Variants in UGGT2 observed in about 807,000 individuals in gnomAD.
The protein encoded by UGGT2 is UDP-glucose glycoprotein glucosyltransferase 2.
Under a neutral mutation model 192.1 loss-of-function variants are expected in UGGT2, and 180 were observed. The observed-to-expected ratio is 0.94, with a 90% confidence interval of 0.83 to 1.06. UGGT2 has a LOEUF of 1.06. UGGT2 is among the 50% of genes least tolerant of loss of function. UGGT2 has a pLI of 0.00. For synonymous variants in UGGT2, 580 were observed against 591.0 expected, an observed-to-expected ratio of 0.98 and a Z score of 0.27; for missense variants, 1,849 against 1,795.7, an observed-to-expected ratio of 1.03 and a Z score of -0.54.
chr13:95,973,131 T>C (rs992562388), intron 10 of UGGT2, among the ~76,000 whole-genome samples: 14 of 151,770 alleles, frequency 9.2e-5, no homozygotes, highest in African/African-American at 2.7e-4. Flanking sequence ...GATTGCACCA[T>C]TGCACTCCAG....
chr13:95,949,462 A>T lies in UGGT2; in HGVS notation c.1336-8T>A, dbSNP rs777366676. On this transcript the variant is annotated splice_region_variant and splice_polypyrimidine_tract_variant and intron_variant, in intron 12 of 38. Transcript: ENST00000376747. ...TTCTAAGTCATTAATCCACTAGAAA[A>T]GAACGCAGACACTTGTGAAAGCTAT... The T allele has an allele frequency of 6.8e-7, 1 of 1,465,988 alleles. No individual in the cohort carries two copies. The highest frequency in any genetic ancestry group is 2.2e-5 in the Admixed American group (1 of 45,348). 90.8% of individuals were successfully genotyped at this position (1,465,988 alleles called of 1,614,324 possible).
chr13:95,984,191 T>C (rs979540298), intron 9 of UGGT2, among the ~76,000 whole-genome samples: 1 of 152,164 alleles, frequency 6.6e-6, no homozygotes, highest in African/African-American at 2.4e-5. Context: ...TTGTATGAAA[T>C]TACCAATGTA....
chr13:95,972,058 T>G (rs2050788607), intron 11 of UGGT2, among the ~76,000 whole-genome samples: 1 of 152,172 alleles, frequency 6.6e-6, no homozygotes, highest in South Asian at 2.1e-4. Context: ...ACTGTAATTT[T>G]GGGTGAGTGA....
rs760929602 is a variant in UGGT2, at chr13:96,053,241, G to A, written c.72C>T (p.Leu24=). ...LGSTALWLSQ[L]GSGTVAASKS... ...TGGACGCGGCGACCGTCCCGGAGCC[G>A]AGCTGCGAAAGCCACAGCGCTGTGG... The change falls in exon 1 of 39, where the codon CTC becomes CTT. Residue 24 remains leucine (L), a synonymous_variant. Coordinates refer to ENST00000376747, the MANE Select transcript of UGGT2 (RefSeq NM_020121.4). 8 of 1,553,312 alleles carry A rather than the reference G, an allele frequency of 5.2e-6. No homozygotes were observed. The highest frequency in any genetic ancestry group is 1.4e-5 in the African/African-American group (1 of 72,660).
chr13:95,985,305 T>C (rs767509280), intron 9 of UGGT2: 1 of 1,292,564 alleles, frequency 7.7e-7, no homozygotes, highest in Non-Finnish European at 1.0e-6. Context: ...TAAAGTTGAC[T>C]GAAAGAGGCA....
At position 95,921,349 on chromosome 13, in the gene UGGT2, G is replaced by GAA. The variant is rs35149342; in HGVS notation, c.2295+4329_2295+4330dup. Among the ~76,000 whole-genome samples, 1,037 of 134,734 alleles carry GAA rather than the reference G, an allele frequency of 7.7e-3. 10 individuals are homozygous for GAA. Among genetic ancestry groups the GAA allele is most frequent in the African/African-American group, 0.018 (649 of 35,432 alleles). 88.4% of individuals were successfully genotyped at this position (134,734 alleles called of 152,430 possible). ...TATCCTACACATAACTCTTAAAGTT[G>GAA]AAAAAAAAAAAAAAAGGTGGTGACA... On this transcript the variant is annotated intron_variant, in intron 20 of 38. Transcript: ENST00000376747.
chr13:95,904,340 T>A (rs147162841), intron 20 of UGGT2, among the ~76,000 whole-genome samples: 2,280 of 151,958 alleles, frequency 0.015, 28 homozygotes, highest in Non-Finnish European at 0.024. Context: ...CATGTGCACA[T>A]TGTGCAGGTT....
chr13:95,884,790 A>G (rs943334259), intron 26 of UGGT2, 110 bp from the exon 27 acceptor site: 6 of 1,102,714 alleles, frequency 5.4e-6, no homozygotes, highest in Non-Finnish European at 7.6e-6. Context: ...TCTACAATCA[A>G]AAAGACTAAG....
chr13:95,946,169 C>T (rs760622911), intron 15 of UGGT2, among the ~76,000 whole-genome samples: 11 of 152,088 alleles, frequency 7.2e-5, no homozygotes, highest in South Asian at 2.1e-4. Context: ...ACCTCAATTA[C>T]GAAATAATCT....
chr13:95,810,454 T>A (rs1884526513), intron 38 of UGGT2, among the ~76,000 whole-genome samples: 1 of 152,228 alleles, frequency 6.6e-6, no homozygotes, highest in Admixed American at 6.5e-5. Flanking sequence ...CATACATTTA[T>A]CAATTTTAAC....
intron 27 of UGGT2, among the ~76,000 whole-genome samples, chr13:95,882,001 C>T (rs1035990509): frequency 3.9e-5 from 6 of 151,910 alleles, no homozygotes; most frequent in Non-Finnish European, 7.4e-5. Flanking sequence ...CTCTACCTCC[C>T]GGATTCAAGC....
intron 10 of UGGT2, among the ~76,000 whole-genome samples, chr13:95,976,588 TA>T (rs2050944988): frequency 6.6e-6 from 1 of 152,178 alleles, no homozygotes; most frequent in Non-Finnish European, 1.5e-5. Flanking sequence ...CAGAATCTGT[TA>T]TTTTTTTTGT....
At chr13:96,031,045 A>T (rs538777635) in intron 2 of UGGT2, among the ~76,000 whole-genome samples, 1 of 152,162 alleles carries the variant, frequency 6.6e-6, no homozygotes, top group Non-Finnish European at 1.5e-5. Flanking sequence ...TAAACTATGG[A>T]CCTTGCGTAT....
intron 10 of UGGT2, 150 bp from the exon 11 acceptor site, chr13:95,972,821 C>T: frequency 1.7e-6 from 1 of 597,044 alleles, no homozygotes; most frequent in Non-Finnish European, 3.0e-6. Flanking sequence ...TGATCTCTGC[C>T]TTTGTATCTT....
intron 12 of UGGT2, among the ~76,000 whole-genome samples, chr13:95,969,660 T>G (rs530531422): frequency 6.6e-6 from 1 of 152,354 alleles, no homozygotes; most frequent in East Asian, 1.9e-4. Flanking sequence ...ACCACTTCTC[T>G]GCTTAAGCAA....
intron 38 of UGGT2, among the ~76,000 whole-genome samples, chr13:95,806,332 T>C (rs1389996382): frequency 6.6e-6 from 1 of 152,150 alleles, no homozygotes; most frequent in Non-Finnish European, 1.5e-5. Context: ...GCCCTTAATC[T>C]GTGGGGTCTG....
At chr13:95,943,650 C>G (rs1456272062) in intron 15 of UGGT2, among the ~76,000 whole-genome samples, 1 of 151,952 alleles carries the variant, frequency 6.6e-6, no homozygotes, top group Non-Finnish European at 1.5e-5. Flanking sequence ...GATCTCATAT[C>G]CAGTTACTTT....
chr13:95,989,612 A>C (rs1413206588), intron 8 of UGGT2: 1 of 362,494 alleles, frequency 2.8e-6, no homozygotes, highest in Non-Finnish European at 5.7e-6. Context: ...AATTTCAAAA[A>C]GAAGAAAACC....
At chr13:95,957,634 A>G (rs2050250441) in intron 12 of UGGT2, among the ~76,000 whole-genome samples, 1 of 152,262 alleles carries the variant, frequency 6.6e-6, no homozygotes, top group Admixed American at 6.5e-5. Context: ...AGGGCTTAAA[A>G]GTCCAACTGC....
Sources: gnomAD v4.1 joint callset for allele counts (sites outside exome capture counted in the v4.1 genomes callset) on GRCh38, gnomAD v4.1.1 for gene constraint, MANE v1.5 for transcripts, NCBI Gene and HGNC (gene_info 2026-07-23, HGNC 2026-07-21) for gene names.